Variants in DENND2B observed in about 807,000 individuals in gnomAD.
DENND2B encodes DENN domain containing 2B, also known as DENN domain-containing protein 2B.
In DENND2B, 32 loss-of-function variants were observed where a neutral mutation model predicts 116.0. That is an observed-to-expected ratio of 0.28 (90% confidence interval 0.21 to 0.37). The LOEUF is 0.37. Ranked by LOEUF, DENND2B falls within the 10% of genes least tolerant of loss-of-function variation. DENND2B has a pLI of 1.00. For missense variants in DENND2B, 1,276 were observed against 1,477.7 expected, an observed-to-expected ratio of 0.86 and a Z score of 2.24; for synonymous variants, 588 against 583.9, an observed-to-expected ratio of 1.01 and a Z score of -0.10.
chr11:8,841,532 C>A (rs2062623582), intron 3 of DENND2B, among the ~76,000 whole-genome samples: 1 of 152,104 alleles, frequency 6.6e-6, no homozygotes, highest in African/African-American at 2.4e-5. Flanking sequence ...CACCTGTATT[C>A]CCAGCTACTC....
At position 8,711,151 on chromosome 11, in the gene DENND2B, C is replaced by G; in HGVS notation, c.2253G>C (p.Lys751Asn). ...AIPQFCFPDA[K>N]DWLPVSEYSS... Reference sequence around the variant, plus strand: ...TATACTCTGACACAGGAAGCCAGTCCTTGGCATCAGGGAAGCAAAACTGGG... The same window carrying G: ...TATACTCTGACACAGGAAGCCAGTCGTTGGCATCAGGGAAGCAAAACTGGG... Residue 751 changes from lysine to asparagine, a missense_variant, in exon 10 of 20, where the codon AAG becomes AAC. Coordinates refer to ENST00000313726, the MANE Select transcript of DENND2B (RefSeq NM_213618.2). 1 of 1,614,142 alleles carries G rather than the reference C, an allele frequency of 6.2e-7. No homozygotes were observed. The highest frequency in any genetic ancestry group is 8.5e-7 in the Non-Finnish European group (1 of 1,180,030).
intron 1 of DENND2B, among the ~76,000 whole-genome samples, chr11:8,781,011 G>A (rs1287468442): frequency 6.6e-6 from 1 of 152,090 alleles, no homozygotes; most frequent in African/African-American, 2.4e-5. Flanking sequence ...AAACAGACAG[G>A]AGACCAGGGA....
chr11:8,792,341 G>A (rs1329428775), intron 1 of DENND2B, among the ~76,000 whole-genome samples: 1 of 151,984 alleles, frequency 6.6e-6, no homozygotes, highest in Non-Finnish European at 1.5e-5. Flanking sequence ...TTGTGATTCT[G>A]ACAAGTGAAG....
At chr11:8,887,827 G>C (rs79128362) in intron 1 of DENND2B, among the ~76,000 whole-genome samples, 2,968 of 152,238 alleles carry the variant, frequency 0.019, 42 homozygotes, top group Non-Finnish European at 0.032. Flanking sequence ...AACAATTTGA[G>C]CCACCTCAAC....
At chr11:8,818,812 T>G (rs1005530765) in intron 4 of DENND2B, among the ~76,000 whole-genome samples, 4 of 152,160 alleles carry the variant, frequency 2.6e-5, no homozygotes, top group African/African-American at 9.7e-5. Flanking sequence ...ACCAACCAAC[T>G]AATCAATCCA....
chr11:8,906,705 T>C (rs903134874), intron 1 of DENND2B, among the ~76,000 whole-genome samples: 1 of 152,186 alleles, frequency 6.6e-6, no homozygotes, highest in Admixed American at 6.5e-5. Context: ...ATTCATTTTC[T>C]TTAATCTACA....
chr11:8,883,648 T>A (rs1402889587), intron 1 of DENND2B, among the ~76,000 whole-genome samples: 1 of 152,208 alleles, frequency 6.6e-6, no homozygotes, highest in Non-Finnish European at 1.5e-5. Flanking sequence ...GCTAGGAAAT[T>A]TGATGAAGAT....
chr11:8,698,980 AAAAGGAGTCATTAGC>A lies in DENND2B; in HGVS notation c.2899-21_2899-7del. 6.2e-7 allele frequency: 1 copy of A among 1,614,142 alleles called. No homozygotes were observed. ...CCCAGATTCACCATCAGCGCCTGAG[AAAAGGAGTCATTAGC>A]AGAGTGGCTCAGGGCATGAGTCCCG... On this transcript the variant is annotated splice_region_variant and splice_polypyrimidine_tract_variant and intron_variant, in intron 15 of 19. Transcript: ENST00000313726.
upstream of DENND2B, among the ~76,000 whole-genome samples, chr11:8,875,749 A>T (rs183603473): frequency 6.8e-3 from 1,040 of 152,154 alleles, 19 homozygotes; most frequent in Admixed American, 0.04. Flanking sequence ...CCTAAAAAAA[A>T]TTTTTTATAT....
chr11:8,828,232 G>A (rs1566024523), intron 4 of DENND2B, among the ~76,000 whole-genome samples: 1 of 152,182 alleles, frequency 6.6e-6, no homozygotes, highest in Non-Finnish European at 1.5e-5. Context: ...CCTAGAAGGA[G>A]CACACAAAGC....
chr11:8,836,526 A>G (rs1196704299), intron 4 of DENND2B, among the ~76,000 whole-genome samples: 2 of 142,196 alleles, frequency 1.4e-5, no homozygotes. Context: ...GGTTCAAACG[A>G]TTCTCCTGTC....
upstream of DENND2B, among the ~76,000 whole-genome samples, chr11:8,812,009 G>A (rs1218419963): frequency 2.0e-5 from 3 of 152,322 alleles, no homozygotes; most frequent in Middle Eastern, 3.4e-3. Context: ...AAAGTGCTGG[G>A]ATTACAGGCG....
intron 4 of DENND2B, among the ~76,000 whole-genome samples, chr11:8,724,279 G>C (rs2046705486): frequency 6.6e-6 from 1 of 151,386 alleles, no homozygotes; most frequent in Non-Finnish European, 1.5e-5. Flanking sequence ...CTGGGTGACA[G>C]AGCGAGACTC....
intron 3 of DENND2B, among the ~76,000 whole-genome samples, chr11:8,848,010 A>T (rs545800421): frequency 3.3e-4 from 50 of 152,324 alleles, no homozygotes; most frequent in African/African-American, 1.2e-3. Context: ...AGATGTACAA[A>T]ATCATCAACC....
intron 2 of DENND2B, among the ~76,000 whole-genome samples, chr11:8,736,511 TAAAG>T (rs963276694): frequency 1.3e-5 from 2 of 151,900 alleles, no homozygotes; most frequent in African/African-American, 4.8e-5. Context: ...TGGGGGCCAA[TAAAG>T]AAGAATAAAG....
chr11:8,732,211 T>G (rs926666585), intron 2 of DENND2B, among the ~76,000 whole-genome samples: 2 of 152,268 alleles, frequency 1.3e-5, no homozygotes, highest in African/African-American at 4.8e-5. Context: ...CAAATCCATA[T>G]GCAGATCTTG....
intron 1 of DENND2B, among the ~76,000 whole-genome samples, chr11:8,796,535 G>A (rs944061135): frequency 9.9e-5 from 15 of 151,952 alleles, no homozygotes; most frequent in African/African-American, 2.7e-4. Context: ...AATCCATCTC[G>A]AAAAAGAAAA....
intron 2 of DENND2B, among the ~76,000 whole-genome samples, chr11:8,869,522 C>T (rs1357679382): frequency 1.3e-5 from 2 of 151,966 alleles, no homozygotes; most frequent in Non-Finnish European, 2.9e-5. Context: ...ATTAGCCAGA[C>T]GTAGTGGCAG....
chr11:8,902,568 C>A (rs2064183580), intron 1 of DENND2B, among the ~76,000 whole-genome samples: 1 of 152,146 alleles, frequency 6.6e-6, no homozygotes, highest in South Asian at 2.1e-4. Context: ...GATGTTAATA[C>A]ATTTACTTCA....
Sources: gnomAD v4.1 joint callset for allele counts (sites outside exome capture counted in the v4.1 genomes callset) on GRCh38, gnomAD v4.1.1 for gene constraint, MANE v1.5 for transcripts, NCBI Gene and HGNC (gene_info 2026-07-23, HGNC 2026-07-21) for gene names.